The following ARIH2 variants were observed in gnomAD, a reference collection of about 807,000 sequenced individuals.
The protein encoded by ARIH2 is ariadne RBR E3 ubiquitin protein ligase 2, also known as E3 ubiquitin-protein ligase ARIH2.
In ARIH2, 12 loss-of-function variants were observed where a neutral mutation model predicts 79.8. That is an observed-to-expected ratio of 0.15 (90% CI 0.10 to 0.24). The LOEUF (loss-of-function observed/expected upper bound fraction) is 0.24, where lower values mean the gene tolerates loss of function less well. Among genes scored for constraint, ARIH2 ranks in the 10% least tolerant of loss-of-function variants. The probability of loss-of-function intolerance (pLI) is 1.00; values close to 1 mark genes in which losing one functional copy is unlikely to be tolerated. For synonymous variants in ARIH2, 224 were observed against 213.9 expected (o/e 1.05, Z -0.41); for missense variants, 301 against 618.3 (o/e 0.49, Z 5.44).
rs772649503 is a variant in ARIH2, at chr3:48,927,621, TGAGGAA to T, written c.72_77del (p.Glu28_Glu29del). 57 of 1,613,534 alleles carry T rather than the reference TGAGGAA, an allele frequency of 3.5e-5. No homozygotes were observed. The highest frequency in any genetic ancestry group is 4.7e-5 in the Non-Finnish European group (55 of 1,179,882). ...ATGAAGAGGACTATGACCCAAATTGTGAGGAAGAGGAAGAAGAAGAAGAAGACGACC... is the reference window on the plus strand; with the variant it reads ...ATGAAGAGGACTATGACCCAAATTGTGAGGAAGAAGAAGAAGAAGACGACC... On this transcript the variant is annotated inframe_deletion, in exon 3 of 16. Coordinates refer to ENST00000356401, the MANE Select transcript of ARIH2 (RefSeq NM_006321.4).
At chr3:48,968,504 TG>T in intron 6 of ARIH2, 29 bp from the exon 7 acceptor site, 1 of 1,597,178 alleles carries the variant, frequency 6.3e-7, no homozygotes, top group Non-Finnish European at 8.6e-7. Context: ...CTATCGCACC[TG>T]GCCCCATCAG....
At chr3:48,955,378 A>G (rs2090461412) in intron 3 of ARIH2, among the ~76,000 whole-genome samples, 1 of 148,418 alleles carries the variant, frequency 6.7e-6, no homozygotes, top group Non-Finnish European at 1.5e-5. Context: ...CCCTGGATCC[A>G]TTTTTCTTTT....
intron 6 of ARIH2, 74 bp downstream of exon 6, chr3:48,967,349 A>C: frequency 6.8e-7 from 1 of 1,460,700 alleles, no homozygotes; most frequent in South Asian, 1.3e-5. Context: ...CATGTACTCA[A>C]GTAAACTGAG....
At chr3:48,960,596 T>A (rs980582627) in intron 3 of ARIH2, among the ~76,000 whole-genome samples, 3 of 152,048 alleles carry the variant, frequency 2.0e-5, no homozygotes, top group Non-Finnish European at 4.4e-5. Context: ...AAACCCTGTC[T>A]CTACTAAAAA....
In ARIH2 at chr3:48,970,622, G is replaced by C; in HGVS notation, c.688G>C (p.Gly230Arg). Reference protein sequence around the residue: ...ESHYQLQLCPGADCPMVIRVQ... With the variant: ...ESHYQLQLCPRADCPMVIRVQ... ...TCATTACCAGCTCCAGCTGTGCCCT[G>C]GTGCAGACTGCCCCATGGTTATTCG... Residue 230 changes from glycine (G) to arginine (R), a missense_variant, in exon 8 of 16, where the codon GGT becomes CGT. Coordinates refer to ENST00000356401, the MANE Select transcript of ARIH2 (RefSeq NM_006321.4). The C allele has an allele frequency of 6.2e-7, 1 of 1,614,016 alleles. No homozygotes were observed.
intron 6 of ARIH2, 127 bp from the exon 7 acceptor site, chr3:48,968,407 C>G: frequency 2.4e-6 from 2 of 832,562 alleles, no homozygotes; most frequent in East Asian, 3.5e-5. Context: ...CTGGGTTTCT[C>G]CATATTGGTC....
intron 3 of ARIH2, among the ~76,000 whole-genome samples, chr3:48,928,711 T>A (rs1037530924): frequency 1.3e-5 from 2 of 152,164 alleles, no homozygotes; most frequent in African/African-American, 4.8e-5. Flanking sequence ...TAAAATTTGC[T>A]TTATCTACTA....
chr3:48,962,659 T>TG (rs1559813555), intron 4 of ARIH2, among the ~76,000 whole-genome samples: 1 of 152,140 alleles, frequency 6.6e-6, no homozygotes, highest in African/African-American at 2.4e-5. Context: ...CTCTTTGTTG[T>TG]GGGGGGCCTG....
At chr3:48,919,110 G>T in intron 1 of ARIH2, 112 bp downstream of exon 1, 1 of 1,283,112 alleles carries the variant, frequency 7.8e-7, no homozygotes, top group South Asian at 3.0e-5. Context: ...TCGCCCGGGA[G>T]GCCCGGGCGC....
chr3:48,925,965 G>A (rs776712827), intron 2 of ARIH2, among the ~76,000 whole-genome samples: 20 of 152,128 alleles, frequency 1.3e-4, no homozygotes, highest in Middle Eastern at 3.4e-3. Context: ...TGATCCACCC[G>A]CCTTGGCTTC....
intron 6 of ARIH2, chr3:48,968,215 T>TC (rs1388376845): frequency 6.4e-6 from 1 of 155,924 alleles, no homozygotes; most frequent in East Asian, 1.8e-4. Flanking sequence ...TTTTTTTTTT[T>TC]TTTTTTTTTT....
chr3:48,927,390 G>A (rs2106920022), intron 2 of ARIH2, 72 bp from the exon 3 acceptor site: 1 of 781,796 alleles, frequency 1.3e-6, no homozygotes, highest in Non-Finnish European at 2.0e-6. Context: ...GTCCCATTTT[G>A]ATTCTTGAAT....
intron 3 of ARIH2, among the ~76,000 whole-genome samples, chr3:48,953,678 G>A (rs1427746712): frequency 1.3e-5 from 2 of 151,922 alleles, no homozygotes; most frequent in Non-Finnish European, 2.9e-5. Context: ...GGGATTACAG[G>A]TGTGAGCCAC....
intron 3 of ARIH2, among the ~76,000 whole-genome samples, chr3:48,930,399 C>T (rs555705812): frequency 6.6e-6 from 1 of 152,266 alleles, no homozygotes; most frequent in East Asian, 1.9e-4. Context: ...GGGAGGATCA[C>T]TTGGGCCTGG....
chr3:48,925,922 G>A (rs914963929), intron 2 of ARIH2, among the ~76,000 whole-genome samples: 2 of 152,006 alleles, frequency 1.3e-5, no homozygotes, highest in Non-Finnish European at 1.5e-5. Flanking sequence ...GTTTCACCAC[G>A]TTGGCCAGGA....
At chr3:48,923,586 A>G (rs62262463) in intron 2 of ARIH2, among the ~76,000 whole-genome samples, 10,320 of 151,084 alleles carry the variant, frequency 0.068, 479 homozygotes, top group South Asian at 0.14. Flanking sequence ...TAATGATGCA[A>G]TCTTGTCTCA....
At chr3:48,945,289 G>T in intron 3 of ARIH2, 3 of 1,030,946 alleles carry the variant, frequency 2.9e-6, no homozygotes, top group Non-Finnish European at 4.0e-6. Context: ...TTGAGGGCTG[G>T]AGAGCTTCAG....
intron 3 of ARIH2, among the ~76,000 whole-genome samples, chr3:48,954,652 C>G (rs1236796438): frequency 6.6e-6 from 1 of 152,018 alleles, no homozygotes; most frequent in Non-Finnish European, 1.5e-5. Context: ...TTAGGGTTTG[C>G]TCTTTAAACA....
chr3:48,927,405 T>G, intron 2 of ARIH2, 57 bp from the exon 3 acceptor site: 1 of 912,642 alleles, frequency 1.1e-6, no homozygotes, highest in South Asian at 1.8e-5. Flanking sequence ...TTGAATGGTT[T>G]CTGTTACAAC....
Sources: gnomAD v4.1 joint callset for allele counts (sites outside exome capture counted in the v4.1 genomes callset) on GRCh38, gnomAD v4.1.1 for gene constraint, MANE v1.5 for transcripts, NCBI Gene and HGNC (gene_info 2026-07-23, HGNC 2026-07-21) for gene names.